GRIN2B: variants seen among roughly 807,000 people sequenced by gnomAD.
The protein encoded by GRIN2B is glutamate ionotropic receptor NMDA type subunit 2B.
In GRIN2B, 5 loss-of-function variants were observed where a neutral mutation model predicts 114.5. The ratio of observed to expected loss-of-function variants is 0.04; its 90% CI spans 0.02 to 0.09. GRIN2B has a LOEUF of 0.09. GRIN2B is among the 10% of genes least tolerant of loss of function. The probability of loss-of-function intolerance (pLI) is 1.00; values close to 1 mark genes in which losing one functional copy is unlikely to be tolerated. For synonymous variants in GRIN2B, 787 were observed against 745.1 expected, an observed-to-expected ratio of 1.06 and a Z score of -0.92; for missense variants, 1,108 against 1,943.5, an observed-to-expected ratio of 0.57 and a Z score of 8.08.
At chr12:13,795,805 C>A (rs918679710) in intron 3 of GRIN2B, among the ~76,000 whole-genome samples, 1 of 152,062 alleles carries the variant, frequency 6.6e-6, no homozygotes, top group Non-Finnish European at 1.5e-5. Context: ...AGCTGGAAAC[C>A]ATCATTCTGA....
intron 4 of GRIN2B, among the ~76,000 whole-genome samples, chr12:13,682,741 C>G (rs891339538): frequency 5.9e-5 from 9 of 151,946 alleles, no homozygotes; most frequent in Non-Finnish European, 1.3e-4. Context: ...GTGCTTTAGC[C>G]CCTTAGTAGT....
At chr12:13,803,371 G>T (rs962573361) in intron 3 of GRIN2B, among the ~76,000 whole-genome samples, 1 of 152,044 alleles carries the variant, frequency 6.6e-6, no homozygotes, top group Non-Finnish European at 1.5e-5. Flanking sequence ...CCTGTCACAT[G>T]CCAGGTACTG....
intron 4 of GRIN2B, among the ~76,000 whole-genome samples, chr12:13,696,266 G>C (rs2216130): frequency 0.19 from 29,520 of 152,076 alleles, 3,064 homozygotes; most frequent in Middle Eastern, 0.23. Context: ...CATCCCACAA[G>C]TAAACTTTTA....
chr12:13,933,729 A>G (rs1867079596), intron 2 of GRIN2B, among the ~76,000 whole-genome samples: 1 of 152,206 alleles, frequency 6.6e-6, no homozygotes, highest in African/African-American at 2.4e-5. Flanking sequence ...AGATTGTAAG[A>G]ACTGAAGGGA....
intron 3 of GRIN2B, among the ~76,000 whole-genome samples, chr12:13,795,321 T>C (rs1247705916): frequency 6.6e-6 from 1 of 152,064 alleles, no homozygotes; most frequent in Non-Finnish European, 1.5e-5. Context: ...AAGGCAGTTA[T>C]TAAAACATGG....
At chr12:13,969,350 T>A (rs1316299524) in intron 2 of GRIN2B, among the ~76,000 whole-genome samples, 1 of 152,232 alleles carries the variant, frequency 6.6e-6, no homozygotes, top group African/African-American at 2.4e-5. Context: ...CTATATAATT[T>A]AAAGAGTCAG....
chr12:13,837,317 C>T (rs940949258), intron 3 of GRIN2B, among the ~76,000 whole-genome samples: 4 of 152,218 alleles, frequency 2.6e-5, no homozygotes, highest in African/African-American at 9.6e-5. Flanking sequence ...TCTACCACTT[C>T]ACACATGCAT....
At chr12:13,742,701 G>T (rs1050439637) in intron 4 of GRIN2B, among the ~76,000 whole-genome samples, 3 of 152,190 alleles carry the variant, frequency 2.0e-5, no homozygotes, top group African/African-American at 7.2e-5. Context: ...AAAGTGCTGG[G>T]ATTATAGGCA....
chr12:13,876,594 C>A (rs1028476180), intron 2 of GRIN2B, among the ~76,000 whole-genome samples: 22 of 152,178 alleles, frequency 1.4e-4, no homozygotes, highest in African/African-American at 5.1e-4. Context: ...TTCCTCACTC[C>A]CTCCCTCCTA....
chr12:13,980,858 G>T (rs1863120622), intron 1 of GRIN2B, among the ~76,000 whole-genome samples: 5 of 152,244 alleles, frequency 3.3e-5, no homozygotes, highest in Admixed American at 3.3e-4. Context: ...TTGTGCACGG[G>T]GTGCACACTG....
chr12:13,587,005 T>A (rs1239728936), intron 10 of GRIN2B, among the ~76,000 whole-genome samples: 3 of 152,210 alleles, frequency 2.0e-5, no homozygotes, highest in African/African-American at 7.2e-5. Context: ...TTACTGCAGA[T>A]CCATTAGTGA....
At chr12:13,852,818 G>A (rs755658165) in intron 3 of GRIN2B, among the ~76,000 whole-genome samples, 3 of 150,236 alleles carry the variant, frequency 2.0e-5, no homozygotes, top group Admixed American at 1.3e-4. Flanking sequence ...CTATACTGCC[G>A]CCATCTGAAA....
chr12:13,770,048 C>T (rs755264463), intron 3 of GRIN2B, among the ~76,000 whole-genome samples: 4 of 152,218 alleles, frequency 2.6e-5, no homozygotes, highest in African/African-American at 4.8e-5. Flanking sequence ...ACATCCAGTT[C>T]TCTGCAGCTG....
At chr12:13,872,907 T>A (rs1865933846) in intron 2 of GRIN2B, among the ~76,000 whole-genome samples, 1 of 152,186 alleles carries the variant, frequency 6.6e-6, no homozygotes, top group Non-Finnish European at 1.5e-5. Flanking sequence ...GAATGTGATA[T>A]CATAGTATTT....
chr12:13,843,559 C>G (rs755544974), intron 3 of GRIN2B, among the ~76,000 whole-genome samples: 2 of 151,986 alleles, frequency 1.3e-5, no homozygotes, highest in Non-Finnish European at 2.9e-5. Context: ...CTTTTAGGAG[C>G]GTAGGTAAGC....
At chr12:13,834,830 G>C (rs115968982) in intron 3 of GRIN2B, among the ~76,000 whole-genome samples, 1 of 152,140 alleles carries the variant, frequency 6.6e-6, no homozygotes, top group Non-Finnish European at 1.5e-5. Context: ...AGAGTCAACT[G>C]GAGAGCATTT....
intron 4 of GRIN2B, among the ~76,000 whole-genome samples, chr12:13,708,260 A>G (rs2136577023): frequency 6.6e-6 from 1 of 152,214 alleles, no homozygotes. Flanking sequence ...GCTTCCCGTA[A>G]GTTTTATTCT....
chr12:13,630,817 G>A (rs1405733226), intron 5 of GRIN2B, among the ~76,000 whole-genome samples: 2 of 152,146 alleles, frequency 1.3e-5, no homozygotes, highest in African/African-American at 4.8e-5. Flanking sequence ...TTGTTACACA[G>A]CAATATTCTC....
chr12:13,778,273 A>C (rs548854957), intron 3 of GRIN2B, among the ~76,000 whole-genome samples: 2 of 152,258 alleles, frequency 1.3e-5, no homozygotes, highest in Admixed American at 6.5e-5. Flanking sequence ...CTCAGCTTCT[A>C]CCCCAGGTGG....
Sources: gnomAD v4.1 joint callset for allele counts (sites outside exome capture counted in the v4.1 genomes callset) on GRCh38, gnomAD v4.1.1 for gene constraint, MANE v1.5 for transcripts, NCBI Gene and HGNC (gene_info 2026-07-23, HGNC 2026-07-21) for gene names.